NTRK2: variants seen among roughly 807,000 people sequenced by gnomAD.
NTRK2 encodes BDNF/NT-3 growth factors receptor.
NTRK2 carries 13 observed loss-of-function variants against 94.5 expected under a neutral mutation model. That is an observed-to-expected ratio of 0.14 (90% CI 0.09 to 0.22). The LOEUF (loss-of-function observed/expected upper bound fraction) is 0.22, where lower values mean the gene tolerates loss of function less well. Ranked by LOEUF, NTRK2 falls within the 10% of genes least tolerant of loss-of-function variation. The pLI, the probability that NTRK2 is intolerant of heterozygous loss-of-function variation, is 1.00. For synonymous variants in NTRK2, 372 were observed against 407.4 expected, an observed-to-expected ratio of 0.91 and a Z score of 1.05; for missense variants, 639 against 1,071.2, an observed-to-expected ratio of 0.60 and a Z score of 5.63.
At chr9:84,920,967 A>T (rs1416913994) in intron 14 of NTRK2, among the ~76,000 whole-genome samples, 4 of 152,214 alleles carry the variant, frequency 2.6e-5, no homozygotes, top group Non-Finnish European at 5.9e-5. Context: ...TGCCATTTTA[A>T]TACTTTAGAC....
At chr9:84,959,032 T>C (rs1824532355) in intron 17 of NTRK2, among the ~76,000 whole-genome samples, 1 of 152,192 alleles carries the variant, frequency 6.6e-6, no homozygotes, top group Non-Finnish European at 1.5e-5. Context: ...CTTGAACCCA[T>C]CCCCTTCACG....
chr9:84,680,691 A>G (rs1476971462), intron 2 of NTRK2, among the ~76,000 whole-genome samples: 1 of 152,178 alleles, frequency 6.6e-6, no homozygotes, highest in Non-Finnish European at 1.5e-5. Flanking sequence ...GCTCCTGACT[A>G]AAGTACCTCT....
At chr9:84,864,358 G>A (rs2075474342) in intron 13 of NTRK2, among the ~76,000 whole-genome samples, 1 of 152,164 alleles carries the variant, frequency 6.6e-6, no homozygotes, top group African/African-American at 2.4e-5. Context: ...GTGGGGAAAG[G>A]GTGGGAGGGG....
intron 14 of NTRK2, among the ~76,000 whole-genome samples, chr9:84,917,932 T>C (rs1316013349): frequency 6.6e-6 from 1 of 152,122 alleles, no homozygotes; most frequent in Non-Finnish European, 1.5e-5. Flanking sequence ...GTGACTTCAT[T>C]GACTGGCAAG....
chr9:85,021,618 G>A lies in NTRK2; in HGVS notation c.*181G>A. 9 of 655,130 alleles carry A rather than the reference G, an allele frequency of 1.4e-5. No homozygotes were observed. Among genetic ancestry groups the A allele is most frequent in the Non-Finnish European group, 2.5e-5 (9 of 361,746 alleles). 40.6% of individuals were successfully genotyped at this position (655,130 alleles called of 1,614,324 possible). A position where few individuals can be genotyped will look rare whatever the true frequency, so the allele number is the denominator to read the frequency against. ...GTGTACTTCTTCATCCATAGACACA[G>A]TATTGACTTCTTTTTGGCATTATCT... is the stretch of plus-strand genomic sequence containing the variant. On this transcript the variant is annotated 3_prime_UTR_variant, in exon 19 of 19. Coordinates refer to ENST00000277120, the MANE Select transcript of NTRK2 (RefSeq NM_006180.6).
chr9:84,766,272 G>T (rs1222330813), intron 12 of NTRK2, among the ~76,000 whole-genome samples: 1 of 152,110 alleles, frequency 6.6e-6, no homozygotes, highest in Non-Finnish European at 1.5e-5. Context: ...AGGAAGAGTG[G>T]GTGCAAGACT....
At chr9:85,020,890 A>C (rs1261543833) in intron 18 of NTRK2, among the ~76,000 whole-genome samples, 1 of 152,138 alleles carries the variant, frequency 6.6e-6, no homozygotes, top group African/African-American at 2.4e-5. Context: ...TCCTTTATCC[A>C]ATAGCCTGAG....
At chr9:84,716,607 G>A (rs1389816979) in intron 6 of NTRK2, among the ~76,000 whole-genome samples, 1 of 152,128 alleles carries the variant, frequency 6.6e-6, no homozygotes, top group Non-Finnish European at 1.5e-5. Flanking sequence ...AGTTGGATTG[G>A]CTTTCTTTCC....
intron 17 of NTRK2, among the ~76,000 whole-genome samples, chr9:84,982,177 G>A (rs570701083): frequency 6.6e-6 from 1 of 152,274 alleles, no homozygotes; most frequent in Non-Finnish European, 1.5e-5. Context: ...TTAGGAAGAG[G>A]AACAGTTTGG....
chr9:84,870,331 G>GTGTATATATATATA (rs1349303529), intron 14 of NTRK2, among the ~76,000 whole-genome samples: 734 of 31,098 alleles, frequency 0.024, 32 homozygotes, highest in South Asian at 0.067. Context: ...GTGTGTGTGT[G>GTGTATATATATATA]TATATATATA....
At chr9:84,912,065 T>C (rs989772192) in intron 14 of NTRK2, among the ~76,000 whole-genome samples, 2 of 152,152 alleles carry the variant, frequency 1.3e-5, no homozygotes, top group Non-Finnish European at 2.9e-5. Context: ...TTTCTTGTCA[T>C]TCTGTTATTA....
intron 14 of NTRK2, among the ~76,000 whole-genome samples, chr9:84,912,715 G>A (rs1193313794): frequency 6.7e-6 from 1 of 149,146 alleles, no homozygotes; most frequent in African/African-American, 2.5e-5. Context: ...GCCTCCCCGG[G>A]TTCATGCCAT....
chr9:84,746,272 A>G lies in NTRK2; in HGVS notation c.1296+1199A>G, dbSNP rs78966723. ...AACAGAGTGTTACTGGAACACAGTC[A>G]CTTGTGTTCATTTACGTACTGTCTG... On this transcript the variant is annotated intron_variant, in intron 11 of 18. Coordinates refer to ENST00000277120, the MANE Select transcript of NTRK2 (RefSeq NM_006180.6). Among the ~76,000 whole-genome samples the G allele has an allele frequency of 4.6e-3, 700 of 152,330 alleles. 8 individuals carry two copies. Among genetic ancestry groups the G allele is most frequent in the African/African-American group, 0.016 (662 of 41,566 alleles).
At chr9:84,693,724 T>TA (rs2060196284) in intron 2 of NTRK2, among the ~76,000 whole-genome samples, 1 of 152,176 alleles carries the variant, frequency 6.6e-6, no homozygotes, top group Admixed American at 6.5e-5. Context: ...TTACTGTCGT[T>TA]ACTGCATTTT....
At chr9:84,962,409 C>T (rs1042789317) in intron 17 of NTRK2, among the ~76,000 whole-genome samples, 2 of 152,148 alleles carry the variant, frequency 1.3e-5, no homozygotes, top group African/African-American at 2.4e-5. Flanking sequence ...CATGGAGACA[C>T]GTTATTCCAG....
intron 17 of NTRK2, among the ~76,000 whole-genome samples, chr9:85,011,713 T>C (rs762330295): frequency 6.6e-6 from 1 of 152,194 alleles, no homozygotes; most frequent in Admixed American, 6.5e-5. Flanking sequence ...TGTGGAACTT[T>C]CCTGTGGCAG....
chr9:84,927,906 A>G (rs2077879965), intron 14 of NTRK2, among the ~76,000 whole-genome samples: 1 of 152,302 alleles, frequency 6.6e-6, no homozygotes, highest in Admixed American at 6.5e-5. Context: ...GGATTGCTCT[A>G]TGGCCACAAG....
intron 12 of NTRK2, among the ~76,000 whole-genome samples, chr9:84,823,516 G>A (rs1326821763): frequency 6.6e-6 from 1 of 152,348 alleles, no homozygotes; most frequent in Middle Eastern, 3.4e-3. Flanking sequence ...ACTTTATTGA[G>A]TACTTTCTAT....
At chr9:84,766,089 G>A (rs1352195923) in intron 12 of NTRK2, among the ~76,000 whole-genome samples, 3 of 152,086 alleles carry the variant, frequency 2.0e-5, no homozygotes, top group African/African-American at 7.2e-5. Context: ...GAAATATAGA[G>A]AAATCTACAG....
Sources: allele counts gnomAD v4.1 joint callset (sites outside exome capture counted in the v4.1 genomes callset), GRCh38; gene constraint gnomAD v4.1.1; transcripts MANE v1.5; gene names NCBI Gene and HGNC (gene_info 2026-07-23, HGNC 2026-07-21).